Variants in CNTNAP2 observed in about 807,000 individuals in gnomAD.
CNTNAP2 encodes contactin associated protein 2, also known as contactin-associated protein-like 2.
In CNTNAP2, 98 loss-of-function variants were observed where a neutral mutation model predicts 155.2. The observed-to-expected ratio is 0.63, with a 90% CI of 0.54 to 0.75. The LOEUF is 0.75. Ranked by LOEUF, CNTNAP2 falls within the 30% of genes least tolerant of loss-of-function variation. The pLI is 0.00. For missense variants in CNTNAP2, 1,727 were observed against 1,688.1 expected, an observed-to-expected ratio of 1.02 and a Z score of -0.40; for synonymous variants, 651 against 631.2, an observed-to-expected ratio of 1.03 and a Z score of -0.47.
chr7:146,751,847 C>T (rs1801910357), intron 1 of CNTNAP2, among the ~76,000 whole-genome samples: 1 of 152,020 alleles, frequency 6.6e-6, no homozygotes, highest in South Asian at 2.1e-4. Context: ...CATTGTTCAC[C>T]TCCCACTTAT....
Position 147,377,198 on chromosome 7 carries a change from A to G in CNTNAP2, c.1499-18411A>G, listed in dbSNP as rs377062430. Among the ~76,000 whole-genome samples the G allele has an allele frequency of 2.6e-5, 4 of 151,064 alleles. No individual in the cohort carries two copies. The East Asian group carries it at 5.9e-4, about 22-fold the overall frequency. On this transcript the variant is annotated intron_variant, in intron 9 of 23. Coordinates refer to ENST00000361727, the MANE Select transcript of CNTNAP2 (RefSeq NM_014141.6). Reference sequence around the variant, plus strand: ...TCGATTTCCCCTACAATTGCTTTGAAATGTATGTATGTCATATCTAGTATT... The same window carrying G: ...TCGATTTCCCCTACAATTGCTTTGAGATGTATGTATGTCATATCTAGTATT...
intron 3 of CNTNAP2, among the ~76,000 whole-genome samples, chr7:146,986,539 C>G (rs2129237945): frequency 6.6e-6 from 1 of 152,286 alleles, no homozygotes; most frequent in South Asian, 2.1e-4. Flanking sequence ...ATTGCTGGAT[C>G]AAATGGTAGT....
intron 1 of CNTNAP2, among the ~76,000 whole-genome samples, chr7:146,172,481 T>A (rs1217198731): frequency 6.6e-6 from 1 of 152,106 alleles, no homozygotes; most frequent in African/African-American, 2.4e-5. Context: ...ATTCCAAAAA[T>A]TTTATTGAAT....
intron 13 of CNTNAP2, among the ~76,000 whole-genome samples, chr7:147,675,154 T>C (rs909864232): frequency 1.1e-4 from 16 of 152,058 alleles, no homozygotes; most frequent in South Asian, 6.2e-4. Flanking sequence ...GGCTCCAGGC[T>C]TTTATTGGCT....
intron 21 of CNTNAP2, among the ~76,000 whole-genome samples, chr7:148,341,495 C>T (rs1798234817): frequency 6.6e-6 from 1 of 151,998 alleles, no homozygotes; most frequent in Admixed American, 6.6e-5. Flanking sequence ...GATATTGTCC[C>T]CATCAATTTT....
At chr7:147,489,630 C>A (rs1357879936) in intron 11 of CNTNAP2, among the ~76,000 whole-genome samples, 1 of 152,018 alleles carries the variant, frequency 6.6e-6, no homozygotes, top group Non-Finnish European at 1.5e-5. Context: ...GTATCTTTTG[C>A]TTGGAGATGG....
At chr7:146,886,275 TAAA>T (rs776073033) in intron 3 of CNTNAP2, among the ~76,000 whole-genome samples, 2 of 142,178 alleles carry the variant, frequency 1.4e-5, no homozygotes, top group African/African-American at 5.2e-5. Context: ...TCAGTTTTCT[TAAA>T]AAAAAAAAAG....
chr7:146,873,123 A>G (rs4493827), intron 3 of CNTNAP2, among the ~76,000 whole-genome samples: 53,123 of 151,988 alleles, frequency 0.35, 9,447 homozygotes, highest in Admixed American at 0.43. Context: ...TGTCTTTTCA[A>G]TGCATTGGGT....
intron 3 of CNTNAP2, among the ~76,000 whole-genome samples, chr7:146,975,582 A>T (rs910718679): frequency 3.3e-5 from 5 of 152,174 alleles, no homozygotes; most frequent in Admixed American, 1.3e-4. Flanking sequence ...CGGGATTGTA[A>T]TCAGGGTCCT....
intron 1 of CNTNAP2, among the ~76,000 whole-genome samples, chr7:146,313,262 T>C (rs1009757377): frequency 1.3e-5 from 2 of 152,190 alleles, no homozygotes; most frequent in African/African-American, 4.8e-5. Context: ...AATGGGCATG[T>C]GGTGATATCC....
intron 8 of CNTNAP2, among the ~76,000 whole-genome samples, chr7:147,192,292 C>T (rs1263469241): frequency 1.3e-5 from 2 of 151,046 alleles, no homozygotes; most frequent in African/African-American, 4.9e-5. Context: ...TTCCTCCAGC[C>T]TCCCATGAAG....
At chr7:146,795,589 C>T (rs956649066) in intron 2 of CNTNAP2, among the ~76,000 whole-genome samples, 6 of 152,180 alleles carry the variant, frequency 3.9e-5, no homozygotes, top group African/African-American at 1.4e-4. Context: ...CTGTCTGAAG[C>T]AGGGGCTAGA....
chr7:146,626,113 T>C (rs1252626495), intron 1 of CNTNAP2, among the ~76,000 whole-genome samples: 2 of 152,118 alleles, frequency 1.3e-5, no homozygotes, highest in East Asian at 1.9e-4. Flanking sequence ...AGACTCACAT[T>C]TGCACACACA....
chr7:148,387,310 C>T (rs749067211), intron 22 of CNTNAP2, among the ~76,000 whole-genome samples: 1 of 152,280 alleles, frequency 6.6e-6, no homozygotes, highest in African/African-American at 2.4e-5. Flanking sequence ...TACGGTTTTG[C>T]ACTTTTCTGG....
At chr7:146,986,290 A>C (rs1025219510) in intron 3 of CNTNAP2, among the ~76,000 whole-genome samples, 1 of 152,226 alleles carries the variant, frequency 6.6e-6, no homozygotes, top group East Asian at 1.9e-4. Flanking sequence ...ACTTAGAAGA[A>C]TAGTCTCCAA....
chr7:148,089,493 T>C (rs902188578), intron 15 of CNTNAP2, among the ~76,000 whole-genome samples: 2 of 151,910 alleles, frequency 1.3e-5, no homozygotes, highest in Admixed American at 6.6e-5. Context: ...ATCAACAGCA[T>C]TTCTATATAT....
intron 1 of CNTNAP2, among the ~76,000 whole-genome samples, chr7:146,586,864 G>A (rs185560902): frequency 7.2e-5 from 11 of 152,274 alleles, no homozygotes; most frequent in Middle Eastern, 3.4e-3. Flanking sequence ...TGTTTTGCCA[G>A]CAAGAGCACA....
At chr7:147,169,195 ATC>A (rs1419983295) in intron 8 of CNTNAP2, among the ~76,000 whole-genome samples, 1 of 152,176 alleles carries the variant, frequency 6.6e-6, no homozygotes, top group African/African-American at 2.4e-5. Flanking sequence ...AAACTAATAG[ATC>A]TGAGGTGGTA....
In CNTNAP2 at chr7:147,733,116, G is replaced by C. The variant is rs527377165; in HGVS notation, c.2098+93810G>C. Among the ~76,000 whole-genome samples, 4 of 152,328 alleles carry C rather than the reference G, an allele frequency of 2.6e-5. No individual in the cohort carries two copies. In the South Asian group the frequency reaches 8.3e-4, roughly 32 times the overall value. On this transcript the variant is annotated intron_variant, in intron 13 of 23. Coordinates refer to ENST00000361727, the MANE Select transcript of CNTNAP2 (RefSeq NM_014141.6). ...ACATGAAGTCCTTGCCCATGCCTAT[G>C]TCCTGAATGGTATTGCCTAGGTTTT...
Sources: gnomAD v4.1 joint callset for allele counts (sites outside exome capture counted in the v4.1 genomes callset) on GRCh38, gnomAD v4.1.1 for gene constraint, MANE v1.5 for transcripts, NCBI Gene and HGNC (gene_info 2026-07-23, HGNC 2026-07-21) for gene names.